The following FAM20C variants were observed in gnomAD, a reference collection of about 807,000 sequenced individuals.
FAM20C encodes extracellular serine/threonine protein kinase FAM20C.
A neutral mutation model predicts 51.5 loss-of-function variants in FAM20C; 40 were observed. The observed-to-expected ratio is 0.78, with a 90% CI of 0.60 to 1.01. FAM20C has a LOEUF of 1.01. FAM20C is among the 50% of genes least tolerant of loss of function. The pLI, the probability that FAM20C is intolerant of heterozygous loss-of-function variation, is 0.00. For missense variants in FAM20C, 861 were observed against 844.7 expected (o/e 1.02, Z -0.24); for synonymous variants, 406 against 380.6 (o/e 1.07, Z -0.78).
chr7:192,743 CCCCGCCCG>C lies in FAM20C; in HGVS notation c.-448_-441del, dbSNP rs1055546990. Reference sequence around the variant, plus strand: ...GCCCGGCCCGGAGGAGCCGCCCCTTCCCCGCCCGCCCGCCCGGCGCCTGGAGAGGAGCG... The same window carrying C: ...GCCCGGCCCGGAGGAGCCGCCCCTTCCCCGCCCGGCGCCTGGAGAGGAGCG... On this transcript the variant is annotated 5_prime_UTR_variant, in exon 1 of 10. Transcript: ENST00000313766. 7.1e-6 allele frequency among the ~76,000 whole-genome samples: 1 copy of C among 140,772 alleles called. No individual in the cohort carries two copies. Among genetic ancestry groups the C allele is most frequent in the African/African-American group, 2.5e-5 (1 of 39,974 alleles). 92.4% of individuals were successfully genotyped at this position (140,772 alleles called of 152,430 possible). A position where few individuals can be genotyped will look rare whatever the true frequency, so the allele number is the denominator to read the frequency against.
chr7:228,660 A>G (rs1486838340), intron 3 of FAM20C: 1 of 456,258 alleles, frequency 2.2e-6, no homozygotes, highest in Non-Finnish European at 4.4e-6. Context: ...GGTTTGGACA[A>G]CTGGTGCCTG....
In FAM20C at chr7:193,737, G is replaced by A. The variant is rs1488292901; in HGVS notation, c.538G>A (p.Glu180Lys). The A allele has an allele frequency of 6.5e-7, 1 of 1,547,884 alleles. No individual in the cohort carries two copies. The highest frequency in any genetic ancestry group is 2.0e-5 in the Admixed American group (1 of 50,978). ...YRVAVPPLTE[E>K]DVLFNVNSDT... ...GGTGGCGGTTCCGCCGCTCACGGAG[G>A]AGGACGTCCTGTTCAATGTGAACAG... Residue 180 changes from glutamate to lysine, a missense_variant, in exon 1 of 10, where the codon GAG becomes AAG. Glu to Lys is a moderately conservative substitution (Grantham distance 56). Around this residue, in one of 3 missense-constraint regions of FAM20C, gnomAD observed 561 missense variants for 499.8 expected, o/e 1.12. Coordinates refer to ENST00000313766, the MANE Select transcript of FAM20C (RefSeq NM_020223.4).
chr7:252,213 C>T (rs912145563), intron 5 of FAM20C, among the ~76,000 whole-genome samples: 2 of 151,654 alleles, frequency 1.3e-5, no homozygotes, highest in Non-Finnish European at 2.9e-5. Context: ...CCTCGGCCTC[C>T]CGACCAAGGA....
chr7:253,227 A>C (rs540632634), intron 5 of FAM20C, among the ~76,000 whole-genome samples: 13 of 152,308 alleles, frequency 8.5e-5, no homozygotes, highest in Non-Finnish European at 1.8e-4. Context: ...GCAGCTGTCC[A>C]GGGCACAGCT....
chr7:208,183 G>T (rs956594934), intron 2 of FAM20C, among the ~76,000 whole-genome samples: 2 of 142,974 alleles, frequency 1.4e-5, no homozygotes, highest in African/African-American at 5.1e-5. Flanking sequence ...GTAGGGGTGT[G>T]TCGGGGGGTG....
chr7:208,264 A>G lies in FAM20C; in HGVS notation c.785-634A>G, dbSNP rs541176821. On this transcript the variant is annotated intron_variant, in intron 2 of 9. Coordinates refer to ENST00000313766, the MANE Select transcript of FAM20C (RefSeq NM_020223.4). ...GTGTGCTGATGTGAGTGGGTGTTTG[A>G]GGTGTTGCCTGCAGGTAAGCACACC... Among the ~76,000 whole-genome samples the G allele has an allele frequency of 1.2e-4, 18 of 150,202 alleles. No homozygotes were observed. In the South Asian group the frequency reaches 1.3e-3, roughly 11 times the overall value.
At chr7:227,701 G>C (rs531977983) in intron 3 of FAM20C, 1 of 152,174 alleles carries the variant, frequency 6.6e-6, no homozygotes, top group Non-Finnish European at 1.5e-5. Context: ...CCTGAGTCCT[G>C]TCCATGAATA....
intron 6 of FAM20C, 173 bp from the exon 7 acceptor site, chr7:256,481 G>A (rs1263050110): frequency 2.9e-5 from 18 of 627,254 alleles, no homozygotes; most frequent in Admixed American, 5.2e-5. Flanking sequence ...GAGCGGCTCC[G>A]TCCCCTCCCA....
intron 8 of FAM20C, 116 bp downstream of exon 8, chr7:257,202 A>C: frequency 9.5e-7 from 1 of 1,048,476 alleles, no homozygotes; most frequent in Non-Finnish European, 1.4e-6. Context: ...GAGGGATGGG[A>C]ATGTCGCAAA....
chr7:218,080 C>T (rs889714155), intron 3 of FAM20C, among the ~76,000 whole-genome samples: 2 of 152,188 alleles, frequency 1.3e-5, no homozygotes, highest in Admixed American at 6.5e-5. Flanking sequence ...GGCCTGCTGC[C>T]TGTGGGCTGG....
chr7:255,757 G>A (rs1788564441), intron 5 of FAM20C, 92 bp from the exon 6 acceptor site: 40 of 1,402,126 alleles, frequency 2.9e-5, no homozygotes, highest in Non-Finnish European at 3.8e-5. Context: ...GAAGCACCAG[G>A]CAGAGCCCGG....
Position 244,495 on chromosome 7 carries a change from C to T in FAM20C, c.864-1920C>T, listed in dbSNP as rs149101538. 1.6e-4 allele frequency among the ~76,000 whole-genome samples: 24 copies of T among 152,330 alleles called. No individual in the cohort carries two copies. The East Asian group carries it at 4.4e-3, about 28-fold the overall frequency. On this transcript the variant is annotated intron_variant, in intron 3 of 9. Transcript: ENST00000313766. ...AGCGCTTAAAACCCGGGAGATTCCA[C>T]AAGGTCTAGATTCTTTCTCTTGAAC...
intron 5 of FAM20C, among the ~76,000 whole-genome samples, chr7:254,017 A>T (rs1312910559): frequency 6.6e-6 from 1 of 151,786 alleles, no homozygotes; most frequent in Non-Finnish European, 1.5e-5. Context: ...TCTTTCCTTG[A>T]TCGTTCGTTC....
At chr7:195,215 T>G in intron 1 of FAM20C, 5 of 242,116 alleles carry the variant, frequency 2.1e-5, no homozygotes, top group Non-Finnish European at 3.2e-5. Context: ...GCTGAGGTCA[T>G]GGTTGGGCCA....
chr7:197,856 C>T (rs572053858), intron 2 of FAM20C, among the ~76,000 whole-genome samples: 1 of 152,328 alleles, frequency 6.6e-6, no homozygotes, highest in East Asian at 1.9e-4. Context: ...GGCATCTTTG[C>T]CCACCTTAGG....
At position 256,694 on chromosome 7, in the gene FAM20C, A is replaced by G. The variant is rs1250121731; in HGVS notation, c.1294A>G (p.Thr432Ala). Residue 432 changes from threonine (T) to alanine (A), a missense_variant, in exon 7 of 10, where the codon ACA (threonine) becomes GCA (alanine). This residue lies in a region of FAM20C where 269 missense variants were observed against 283.8 expected (regional missense o/e 0.95). Transcript: ENST00000313766. ...DPDYCEEVKQ[T>A]PPYDSSHRIL... The stretch of plus-strand genomic sequence containing the variant: ...TGACTACTGCGAGGAGGTGAAGCAG[A>G]CACCGCCCTACGACAGCAGCCACCG... 1.3e-6 allele frequency: 2 copies of G among 1,536,070 alleles called. No homozygotes were observed. The highest frequency in any genetic ancestry group is 1.7e-6 in the Non-Finnish European group (2 of 1,146,814).
chr7:205,306 G>A (rs1786315260), intron 2 of FAM20C, among the ~76,000 whole-genome samples: 1 of 146,970 alleles, frequency 6.8e-6, no homozygotes, highest in Non-Finnish European at 1.5e-5. Context: ...GCACCACCAC[G>A]ACGTCAGCCC....
At chr7:200,789 G>A (rs527321609) in intron 2 of FAM20C, among the ~76,000 whole-genome samples, 2 of 152,326 alleles carry the variant, frequency 1.3e-5, no homozygotes, top group East Asian at 3.9e-4. Context: ...GGCCTTGCCT[G>A]TCACTTGAGG....
Position 193,248 on chromosome 7 carries a change from T to A in FAM20C, c.49T>A (p.Phe17Ile). ...GTTCCGCGTGCTCATCCTGATGGTG[T>A]TCCTGGTGGCCTGCGCGCTGCACAT... is the stretch of plus-strand genomic sequence containing the variant. ...RRFRVLILMV[F>I]LVACALHIAL... The change falls in exon 1 of 10, where the codon TTC (phenylalanine) becomes ATC (isoleucine). Residue 17 changes from phenylalanine to isoleucine, a missense_variant. By Grantham distance (21) the Phe-to-Ile change is conservative. Coordinates refer to ENST00000313766, the MANE Select transcript of FAM20C (RefSeq NM_020223.4). 1 of 1,464,132 alleles carries A rather than the reference T, an allele frequency of 6.8e-7. No individual in the cohort carries two copies. The highest frequency in any genetic ancestry group is 1.2e-5 in the South Asian group (1 of 81,514). The allele number at this position is 1,464,132 out of a possible 1,614,324, so 90.7% of individuals were successfully genotyped here. A position where few individuals can be genotyped will look rare whatever the true frequency, so the allele number is the denominator to read the frequency against.
Sources: allele counts gnomAD v4.1 joint callset (sites outside exome capture counted in the v4.1 genomes callset), GRCh38; gene constraint gnomAD v4.1.1; regional missense constraint gnomAD v4.1.1; transcripts MANE v1.5; gene names NCBI Gene and HGNC (gene_info 2026-07-23, HGNC 2026-07-21).